DOCK4: variants seen among roughly 807,000 people sequenced by gnomAD.
The protein encoded by DOCK4 is dedicator of cytokinesis 4, also known as dedicator of cytokinesis protein 4.
A neutral mutation model predicts 268.1 loss-of-function variants in DOCK4; 97 were observed. That is an observed-to-expected ratio of 0.36 (90% CI 0.31 to 0.43). The LOEUF (loss-of-function observed/expected upper bound fraction) is 0.43, where lower values mean the gene tolerates loss of function less well. Among genes scored for constraint, DOCK4 ranks in the 20% least tolerant of loss-of-function variants. The pLI, the probability that DOCK4 is intolerant of heterozygous loss-of-function variation, is 1.00. For missense variants in DOCK4, 2,145 were observed against 2,455.7 expected, an observed-to-expected ratio of 0.87 and a Z score of 2.67; for synonymous variants, 954 against 887.2, an observed-to-expected ratio of 1.08 and a Z score of -1.34.
chr7:111,739,507 C>A, intron 47 of DOCK4, 30 bp from the exon 48 acceptor site: 2 of 1,542,420 alleles, frequency 1.3e-6, no homozygotes, highest in Non-Finnish European at 1.8e-6. Context: ...TATTATCATA[C>A]CCTGATTAAA....
intron 49 of DOCK4, 34 bp downstream of exon 49, chr7:111,739,100 T>C (rs1389541035): frequency 2.5e-6 from 4 of 1,572,352 alleles, no homozygotes; most frequent in African/African-American, 2.7e-5. Flanking sequence ...AGAATTGTCC[T>C]TGTTTTCTAG....
At chr7:112,133,578 G>A (rs564526261) in intron 1 of DOCK4, among the ~76,000 whole-genome samples, 2 of 152,132 alleles carry the variant, frequency 1.3e-5, no homozygotes, top group South Asian at 2.1e-4. Flanking sequence ...TAAAATAGCC[G>A]GGCATGGTGG....
At chr7:111,926,575 C>A (rs1349034199) in intron 12 of DOCK4, among the ~76,000 whole-genome samples, 1 of 126,128 alleles carries the variant, frequency 7.9e-6, no homozygotes, top group Non-Finnish European at 1.7e-5. Flanking sequence ...GCAGGGCGGG[C>A]GGGCAAGGCG....
intron 1 of DOCK4, among the ~76,000 whole-genome samples, chr7:112,198,815 GT>G (rs1820680742): frequency 6.6e-6 from 1 of 151,832 alleles, no homozygotes; most frequent in Non-Finnish European, 1.5e-5. Flanking sequence ...CTCTTCTTTT[GT>G]CATTTAACAC....
intron 1 of DOCK4, among the ~76,000 whole-genome samples, chr7:112,004,480 A>G (rs146387133): frequency 2.1e-4 from 32 of 152,306 alleles, no homozygotes; most frequent in African/African-American, 7.5e-4. Flanking sequence ...CCCTCATCCA[A>G]ATGCCGGGCC....
In DOCK4 at chr7:111,940,163, G is replaced by A. The variant is rs377268338; in HGVS notation, c.924C>T (p.Ile308=). 73 of 1,613,860 alleles carry A rather than the reference G, an allele frequency of 4.5e-5. 1 individual carries two copies. The highest frequency in any genetic ancestry group is 7.7e-5 in the South Asian group (7 of 91,092). Residue 308 remains isoleucine (I), a synonymous_variant, in exon 11 of 53, where the codon ATC becomes ATT. Coordinates refer to ENST00000428084, the MANE Select transcript of DOCK4 (RefSeq NM_001363540.2). ...TTGTCTCTCCTGTTAGCAGGTCAGC[G>A]ATGCTAAGAACTGCACAGCCAAAGG... ...RRPFGCAVLS[I]ADLLTGETKD...
intron 12 of DOCK4, among the ~76,000 whole-genome samples, chr7:111,930,961 A>AAT (rs1157631427): frequency 6.6e-6 from 1 of 152,146 alleles, no homozygotes; most frequent in Non-Finnish European, 1.5e-5. Context: ...TCTAGAGCAG[A>AAT]ATATTAGAGT....
At chr7:112,198,138 G>A (rs186550847) in intron 1 of DOCK4, among the ~76,000 whole-genome samples, 189 of 152,144 alleles carry the variant, frequency 1.2e-3, no homozygotes, top group Middle Eastern at 3.4e-3. Context: ...TGGAGATGGG[G>A]GACTTGGGGA....
intron 30 of DOCK4, among the ~76,000 whole-genome samples, chr7:111,806,506 C>T (rs935473404): frequency 6.6e-6 from 1 of 152,130 alleles, no homozygotes; most frequent in Non-Finnish European, 1.5e-5. Context: ...TAAAAATTTA[C>T]GCTGACCCTA....
At chr7:111,784,582 G>T in intron 32 of DOCK4, 1 of 415,974 alleles carries the variant, frequency 2.4e-6, no homozygotes, top group South Asian at 1.8e-5. Context: ...TTTTCCATGT[G>T]GTTGTTACAG....
intron 1 of DOCK4, among the ~76,000 whole-genome samples, chr7:112,069,611 C>T (rs1435481222): frequency 6.6e-6 from 1 of 152,124 alleles, no homozygotes; most frequent in Non-Finnish European, 1.5e-5. Flanking sequence ...GAGCCTCACA[C>T]AAGAGCTTTC....
chr7:111,740,858 C>T (rs183757610), intron 47 of DOCK4, among the ~76,000 whole-genome samples: 219 of 150,112 alleles, frequency 1.5e-3, no homozygotes, highest in African/African-American at 5.1e-3. Context: ...CCTTGTGCAG[C>T]GTGCCTAGGC....
In DOCK4 at chr7:111,859,562, A is replaced by AT. The variant is rs140285833; in HGVS notation, c.2473+3809dup. On this transcript the variant is annotated intron_variant, in intron 23 of 52. Coordinates refer to ENST00000428084, the MANE Select transcript of DOCK4 (RefSeq NM_001363540.2). The stretch of plus-strand genomic sequence containing the variant: ...GTAAAAATTGTGTACGTGTGTGTTA[A>AT]TTTTTTTTTTTTTTTTTTTTTTTGA... Among the ~76,000 whole-genome samples, 963 of 101,988 alleles carry AT rather than the reference A, an allele frequency of 9.4e-3. 2 individuals carry two copies. The highest frequency in any genetic ancestry group is 0.012 in the Non-Finnish European group (623 of 54,058). 66.9% of individuals were successfully genotyped at this position (101,988 alleles called of 152,430 possible).
At chr7:112,040,948 A>G (rs1804300264) in intron 1 of DOCK4, among the ~76,000 whole-genome samples, 2 of 152,204 alleles carry the variant, frequency 1.3e-5, no homozygotes, top group Non-Finnish European at 2.9e-5. Context: ...GCAGTGTCTA[A>G]AGTAGTTATC....
chr7:111,761,460 T>C (rs193044114), intron 39 of DOCK4, among the ~76,000 whole-genome samples: 1 of 152,232 alleles, frequency 6.6e-6, no homozygotes, highest in East Asian at 1.9e-4. Context: ...TGGCCTAGTG[T>C]ATGCAGGAAA....
At chr7:112,103,750 C>T (rs917404756) in intron 1 of DOCK4, among the ~76,000 whole-genome samples, 7 of 151,978 alleles carry the variant, frequency 4.6e-5, no homozygotes, top group Non-Finnish European at 7.4e-5. Flanking sequence ...GGCATGGTGG[C>T]GCATGCCTGT....
At chr7:111,990,086 G>A (rs29467) in intron 5 of DOCK4, among the ~76,000 whole-genome samples, 64,088 of 151,836 alleles carry the variant, frequency 0.42, 13,644 homozygotes, top group Admixed American at 0.44. Flanking sequence ...CTGTAAAACG[G>A]GTATTATAGT....
intron 1 of DOCK4, among the ~76,000 whole-genome samples, chr7:112,134,960 C>T (rs184870822): frequency 1.7e-4 from 26 of 152,006 alleles, no homozygotes; most frequent in African/African-American, 6.3e-4. Flanking sequence ...CCTATGATTG[C>T]TATAAAATTT....
intron 5 of DOCK4, among the ~76,000 whole-genome samples, chr7:111,991,844 C>A (rs936345650): frequency 5.9e-5 from 9 of 151,408 alleles, no homozygotes; most frequent in African/African-American, 1.5e-4. Context: ...AGCTGTAGTC[C>A]CAGCTACTCG....
Sources: gnomAD v4.1 joint callset for allele counts (sites outside exome capture counted in the v4.1 genomes callset) on GRCh38, gnomAD v4.1.1 for gene constraint, MANE v1.5 for transcripts, NCBI Gene and HGNC (gene_info 2026-07-23, HGNC 2026-07-21) for gene names.